The following DPEP1 variants were observed in gnomAD, a reference collection of about 807,000 sequenced individuals.
DPEP1 encodes beta-lactamase.
DPEP1 carries 50 observed loss-of-function variants against 42.3 expected under a neutral mutation model. The ratio of observed to expected loss-of-function variants is 1.18; its 90% CI spans 0.94 to 1.50. The LOEUF is 1.50. Among genes scored for constraint, DPEP1 ranks in the 40% most tolerant of loss-of-function variants. The pLI is 0.00. For missense variants in DPEP1, 663 were observed against 553.0 expected (o/e 1.20, Z -1.99); for synonymous variants, 297 against 234.0 (o/e 1.27, Z -2.46).
chr16:89,637,804 T>TG (rs757282243), intron 9 of DPEP1, 32 bp from the exon 10 acceptor site: 39 of 1,612,388 alleles, frequency 2.4e-5, no homozygotes, highest in Non-Finnish European at 3.1e-5. Context: ...TGTCCTAGTG[T>TG]GGGGGCCCAG....
chr16:89,637,586 G>T (rs949571499), intron 8 of DPEP1, 34 bp downstream of exon 8: 1 of 1,612,818 alleles, frequency 6.2e-7, no homozygotes, highest in Non-Finnish European at 8.5e-7. Context: ...GGGGGCCGAA[G>T]GGGGAGGGCC....
At chr16:89,619,979 G>A (rs2059428883) in intron 1 of DPEP1, among the ~76,000 whole-genome samples, 1 of 144,708 alleles carries the variant, frequency 6.9e-6, no homozygotes, top group African/African-American at 2.6e-5. Flanking sequence ...TGGGGTCCGG[G>A]ATAGGCCTGG....
chr16:89,635,562 A>G (rs1248017450), intron 2 of DPEP1, among the ~76,000 whole-genome samples: 1 of 152,136 alleles, frequency 6.6e-6, no homozygotes, highest in South Asian at 2.1e-4. Flanking sequence ...TCACGTCTCC[A>G]ATCCTGTCCA....
chr16:89,616,202 TG>T (rs1239790330), intron 1 of DPEP1, among the ~76,000 whole-genome samples: 2 of 151,120 alleles, frequency 1.3e-5, no homozygotes, highest in African/African-American at 4.9e-5. Context: ...GTCAGTGCTG[TG>T]GGGATAGGGC....
At position 89,628,691 on chromosome 16, in the gene DPEP1, C is replaced by T. The variant is rs149095518; in HGVS notation, c.-106-1614C>T. On this transcript the variant is annotated intron_variant, in intron 1 of 10. Transcript: ENST00000690203. ...TGTCACTCAGTTTCTGCCTCTGAAGCGACAAGCAGAACATGGATGTTCTCA... is the reference window on the plus strand; with the variant it reads ...TGTCACTCAGTTTCTGCCTCTGAAGTGACAAGCAGAACATGGATGTTCTCA... Among the ~76,000 whole-genome samples, 324 of 152,136 alleles carry T rather than the reference C, an allele frequency of 2.1e-3. 3 individuals carry two copies. The highest frequency in any genetic ancestry group is 7.5e-3 in the African/African-American group (312 of 41,494).
chr16:89,636,996 C>T, intron 6 of DPEP1, 61 bp downstream of exon 6: 1 of 1,596,714 alleles, frequency 6.3e-7, no homozygotes, highest in African/African-American at 1.3e-5. Context: ...TGGAGGGTGA[C>T]CAGAACAATG....
Position 89,636,857 on chromosome 16 carries a change from C to T in DPEP1, c.522-9C>T. ...TCACCTCTTGGGCACCTGCCTTTTG[C>T]TTCTCCAGGGCTGACAACTGGCTGG... is the stretch of plus-strand genomic sequence containing the variant. On this transcript the variant is annotated splice_polypyrimidine_tract_variant and intron_variant, in intron 5 of 10. Coordinates refer to ENST00000690203, the MANE Select transcript of DPEP1 (RefSeq NM_001389466.1). 2 of 1,612,432 alleles carry T rather than the reference C, an allele frequency of 1.2e-6. No individual in the cohort carries two copies. Among genetic ancestry groups the T allele is most frequent in the Non-Finnish European group, 1.7e-6 (2 of 1,179,870 alleles).
intron 2 of DPEP1, 52 bp downstream of exon 2, chr16:89,630,566 G>A: frequency 1.0e-6 from 1 of 1,003,380 alleles, no homozygotes; most frequent in Non-Finnish European, 1.4e-6. Context: ...GGGAACTGGG[G>A]CTGGGAGAGC....
chr16:89,626,800 A>C (rs1270256646), intron 1 of DPEP1, among the ~76,000 whole-genome samples: 1 of 151,894 alleles, frequency 6.6e-6, no homozygotes, highest in African/African-American at 2.4e-5. Context: ...CTGTGAGTCA[A>C]TGAAGGCTTT....
intron 2 of DPEP1, among the ~76,000 whole-genome samples, chr16:89,633,243 G>A (rs180852409): frequency 6.6e-6 from 1 of 152,232 alleles, no homozygotes; most frequent in Non-Finnish European, 1.5e-5. Flanking sequence ...TGCTCCGAGG[G>A]CTGGGGAGAG....
At position 89,615,966 on chromosome 16, in the gene DPEP1, C is replaced by T. The variant is rs532158057; in HGVS notation, c.-107+2247C>T. Among the ~76,000 whole-genome samples, 27 of 152,136 alleles carry T rather than the reference C, an allele frequency of 1.8e-4. No homozygotes were observed. The Middle Eastern group carries it at 0.014, about 77-fold the overall frequency. ...CAGGGCTCAGGCGTCCCCTACGTGTCGTGTCCCCAGGCAGGAGAATTACTT... is the reference window on the plus strand; with the variant it reads ...CAGGGCTCAGGCGTCCCCTACGTGTTGTGTCCCCAGGCAGGAGAATTACTT... On this transcript the variant is annotated intron_variant, in intron 1 of 10. Coordinates refer to ENST00000690203, the MANE Select transcript of DPEP1 (RefSeq NM_001389466.1).
chr16:89,614,762 T>C (rs2059365858), intron 1 of DPEP1, among the ~76,000 whole-genome samples: 2 of 152,152 alleles, frequency 1.3e-5, no homozygotes, highest in Admixed American at 1.3e-4. Context: ...GCCACTGCAC[T>C]CCAGCCTGAG....
rs1365722597 is a variant in DPEP1 at position 89,637,650 on chromosome 16, A to AT, written c.872_873insT (p.Lys291AsnfsTer16). 1.2e-6 allele frequency: 2 copies of AT among 1,612,994 alleles called. No homozygotes were observed. Among genetic ancestry groups the AT allele is most frequent in the Non-Finnish European group, 1.7e-6 (2 of 1,179,978 alleles). On this transcript the variant is annotated frameshift_variant, in exon 9 of 11. Coordinates refer to ENST00000690203, the MANE Select transcript of DPEP1 (RefSeq NM_001389466.1). LOFTEE classifies it high-confidence loss of function. ...TGGACAGACCATCTGGATCACATCA[A>AT]GGAGGTGGCAGGAGCCAGAGCCGTG...
In DPEP1 at chr16:89,637,962, T is replaced by C. The variant is rs753903733; in HGVS notation, c.1056T>C (p.Ala352=). ...ACAACCTGCTGAGGGTCTTCGAGGCTGTGGAACAGGTGAGGATGGGGTGGC... is the reference window on the plus strand; with the variant it reads ...ACAACCTGCTGAGGGTCTTCGAGGCCGTGGAACAGGTGAGGATGGGGTGGC... ...LADNLLRVFE[A]VEQASNLTQA... is the part of the protein sequence containing the mutation. The change falls in exon 10 of 11, where the codon GCT becomes GCC. Residue 352 remains alanine, a synonymous_variant. Transcript: ENST00000690203. The C allele has an allele frequency of 6.2e-7, 1 of 1,608,474 alleles. No individual in the cohort carries two copies. Among genetic ancestry groups the C allele is most frequent in the Middle Eastern group, 1.7e-4 (1 of 6,052 alleles).
At chr16:89,629,950 A>G (rs751618941) in intron 1 of DPEP1, among the ~76,000 whole-genome samples, 6 of 152,182 alleles carry the variant, frequency 3.9e-5, no homozygotes, top group Admixed American at 2.0e-4. Context: ...AGAATGCACT[A>G]TTTGAATGAC....
chr16:89,621,924 C>T (rs2059451511), intron 1 of DPEP1, among the ~76,000 whole-genome samples: 1 of 152,142 alleles, frequency 6.6e-6, no homozygotes, highest in Non-Finnish European at 1.5e-5. Context: ...GAAGTGGTAT[C>T]ATCCGAAATG....
At chr16:89,628,502 C>T (rs538371816) in intron 1 of DPEP1, among the ~76,000 whole-genome samples, 4 of 151,916 alleles carry the variant, frequency 2.6e-5, no homozygotes, top group African/African-American at 4.8e-5. Flanking sequence ...AGGTGATCCG[C>T]CCGCCTCAGC....
rs1323267754 is a variant in DPEP1 at position 89,637,455 on chromosome 16, C to T, written c.769-13C>T. On this transcript the variant is annotated splice_polypyrimidine_tract_variant and intron_variant, in intron 7 of 10. Coordinates refer to ENST00000690203, the MANE Select transcript of DPEP1 (RefSeq NM_001389466.1). ...CCAGCTCTCAGCTTCACCCTGTCTT[C>T]CTTCTTGTGCAGAAACAGACAGACA... 6.2e-7 allele frequency: 1 copy of T among 1,612,846 alleles called. No homozygotes were observed. Among genetic ancestry groups the T allele is most frequent in the Non-Finnish European group, 8.5e-7 (1 of 1,179,972 alleles).
In DPEP1 at chr16:89,638,092, CGCTGGACCAGCTGGGTG is replaced by C. The variant is rs779754062; in HGVS notation, c.1110_1126del (p.Asp371LeufsTer97). The C allele has an allele frequency of 6.8e-6, 11 of 1,612,208 alleles. No individual in the cohort carries two copies. The highest frequency in any genetic ancestry group is 9.3e-6 in the Non-Finnish European group (11 of 1,179,862). On this transcript the variant is annotated frameshift_variant, in exon 11 of 11. Coordinates refer to ENST00000690203, the MANE Select transcript of DPEP1 (RefSeq NM_001389466.1). LOFTEE classifies it low-confidence loss of function (END_TRUNC). ...CAGGCTCCCGAGGAGGAGCCCATCC[CGCTGGACCAGCTGGGTG>C]GCTCCTGCAGGACCCATTACGGCTA...
Sources: gnomAD v4.1 joint callset for allele counts (sites outside exome capture counted in the v4.1 genomes callset) on GRCh38, gnomAD v4.1.1 for gene constraint, MANE v1.5 for transcripts, NCBI Gene and HGNC (gene_info 2026-07-23, HGNC 2026-07-21) for gene names.